Variants in MAPK6 observed in about 807,000 individuals in gnomAD.
MAPK6 encodes the protein mitogen-activated protein kinase 6.
A neutral mutation model predicts 59.3 loss-of-function variants in MAPK6; 19 were observed. That is an observed-to-expected ratio of 0.32 (90% confidence interval 0.22 to 0.47). The LOEUF (loss-of-function observed/expected upper bound fraction) is 0.47. Among genes scored for constraint, MAPK6 ranks in the 20% least tolerant of loss-of-function variants. The probability of loss-of-function intolerance (pLI) is 1.00; values close to 1 mark genes in which losing one functional copy is unlikely to be tolerated. For synonymous variants in MAPK6, 316 were observed against 290.3 expected (o/e 1.09, Z -0.90); for missense variants, 724 against 847.9 (o/e 0.85, Z 1.81).
intron 1 of MAPK6, among the ~76,000 whole-genome samples, chr15:51,982,335 C>G (rs17706309): frequency 0.012 from 1,865 of 152,264 alleles, 28 homozygotes; most frequent in Non-Finnish European, 0.022. Flanking sequence ...TTTCATCTCA[C>G]CCACAGAGGA....
intron 1 of MAPK6, among the ~76,000 whole-genome samples, chr15:52,044,640 A>AT (rs537632566): frequency 0.073 from 10,648 of 145,308 alleles, 459 homozygotes; most frequent in African/African-American, 0.12. Flanking sequence ...ACCAAGTTGC[A>AT]TTTTTTTTTT....
chr15:51,999,284 C>A (rs1421353591), intron 2 of MAPK6, among the ~76,000 whole-genome samples: 3 of 152,174 alleles, frequency 2.0e-5, no homozygotes, highest in Non-Finnish European at 4.4e-5. Flanking sequence ...TAGGTGTGAG[C>A]CACCGCGCCC....
chr15:52,008,703 G>T (rs745861399), intron 3 of MAPK6, among the ~76,000 whole-genome samples: 1 of 152,216 alleles, frequency 6.6e-6, no homozygotes, highest in African/African-American at 2.4e-5. Context: ...CCTTTTGCAC[G>T]CAGGGCCCTG....
At chr15:52,010,463 A>G (rs1238022678) in intron 3 of MAPK6, among the ~76,000 whole-genome samples, 9 of 142,666 alleles carry the variant, frequency 6.3e-5, no homozygotes, top group African/African-American at 2.4e-4. Context: ...GATCCACCCA[A>G]CTCGGCCTTC....
intron 1 of MAPK6, among the ~76,000 whole-genome samples, chr15:52,029,223 A>G (rs1333334209): frequency 6.6e-6 from 1 of 152,098 alleles, no homozygotes; most frequent in East Asian, 1.9e-4. Context: ...TTTTTAGTAG[A>G]GATGGGGTTT....
At chr15:52,036,776 CTTTCTTTCCTTCCTTCCTT>C (rs2031254468) in intron 1 of MAPK6, among the ~76,000 whole-genome samples, 1 of 151,844 alleles carries the variant, frequency 6.6e-6, no homozygotes, top group Non-Finnish European at 1.5e-5. Context: ...TTTTTTCTTC[CTTTCTTTCCTTCCTTCCTT>C]TTTCTTTCCT....
At chr15:51,987,449 A>G (rs2057194338) in intron 2 of MAPK6, among the ~76,000 whole-genome samples, 1 of 152,136 alleles carries the variant, frequency 6.6e-6, no homozygotes, top group Non-Finnish European at 1.5e-5. Context: ...TACTAAAAAT[A>G]CAAAAATTAA....
chr15:52,059,756 G>A (rs1378358764), intron 4 of MAPK6, among the ~76,000 whole-genome samples: 1 of 152,196 alleles, frequency 6.6e-6, no homozygotes, highest in African/African-American at 2.4e-5. Flanking sequence ...GATCCTTGGT[G>A]GTCACATGTG....
intron 3 of MAPK6, among the ~76,000 whole-genome samples, chr15:52,014,132 CTGA>C (rs2030167467): frequency 1.3e-5 from 2 of 152,086 alleles, no homozygotes; most frequent in South Asian, 4.2e-4. Context: ...CTCTCTCTCC[CTGA>C]TGTCCCCGGT....
intron 1 of MAPK6, among the ~76,000 whole-genome samples, chr15:52,039,089 T>C (rs1162261607): frequency 6.6e-6 from 1 of 152,234 alleles, no homozygotes; most frequent in Non-Finnish European, 1.5e-5. Context: ...CTTGGCTCAC[T>C]GCAACCTCCA....
At position 52,065,017 on chromosome 15, in the gene MAPK6, T is replaced by TTATC. The variant is rs1162307566; in HGVS notation, c.*19_*22dup. Reference sequence around the variant, plus strand: ...CTGAACTAAAACACTCAGCAGACATTTATCTTTGTATTCTTCATGAAATGT... The same window carrying TTATC: ...CTGAACTAAAACACTCAGCAGACATTTATCTATCTTTGTATTCTTCATGAAATGT... On this transcript the variant is annotated 3_prime_UTR_variant, in exon 6 of 6. Transcript: ENST00000261845. 3.8e-6 allele frequency: 6 copies of TTATC among 1,573,770 alleles called. No homozygotes were observed. In the African/African-American group the frequency reaches 4.1e-5, roughly 11 times the overall value.
At chr15:51,992,525 C>T (rs1168391369) in intron 2 of MAPK6, among the ~76,000 whole-genome samples, 4 of 151,582 alleles carry the variant, frequency 2.6e-5, no homozygotes, top group Non-Finnish European at 5.9e-5. Context: ...AGGATGGTCT[C>T]GATCTTCTGA....
At chr15:52,060,987 C>T (rs544350975) in intron 4 of MAPK6, among the ~76,000 whole-genome samples, 1 of 152,312 alleles carries the variant, frequency 6.6e-6, no homozygotes, top group South Asian at 2.1e-4. Flanking sequence ...ACTTGCAGAG[C>T]TAGGATTAAA....
chr15:51,989,155 C>G (rs1242229034), intron 2 of MAPK6, among the ~76,000 whole-genome samples: 1 of 150,190 alleles, frequency 6.7e-6, no homozygotes, highest in Non-Finnish European at 1.5e-5. Context: ...TCTTGGCTCA[C>G]TGTAACCTCT....
At chr15:52,000,693 C>A (rs1375618725) in intron 2 of MAPK6, among the ~76,000 whole-genome samples, 2 of 151,948 alleles carry the variant, frequency 1.3e-5, no homozygotes, top group African/African-American at 4.8e-5. Flanking sequence ...GTAGTCCCAG[C>A]CACTGGGGAG....
chr15:52,016,060 G>GCT (rs1318752815), upstream of MAPK6, among the ~76,000 whole-genome samples: 2 of 56,988 alleles, frequency 3.5e-5, no homozygotes, highest in African/African-American at 1.6e-4. Flanking sequence ...CATCGCGCGC[G>GCT]CGCGCGCGCG....
chr15:51,992,259 T>G (rs904015295), intron 2 of MAPK6, among the ~76,000 whole-genome samples: 2 of 143,806 alleles, frequency 1.4e-5, no homozygotes, highest in Non-Finnish European at 3.0e-5. Context: ...CACCCGGCTG[T>G]CCCTCATTTA....
intron 2 of MAPK6, among the ~76,000 whole-genome samples, chr15:52,000,038 A>G (rs1233547286): frequency 2.0e-5 from 3 of 152,138 alleles, no homozygotes; most frequent in Admixed American, 2.0e-4. Flanking sequence ...TCCCAGCTCA[A>G]GTGATCCTCC....
At chr15:52,055,610 G>C (rs942183875) in intron 3 of MAPK6, among the ~76,000 whole-genome samples, 3 of 152,144 alleles carry the variant, frequency 2.0e-5, no homozygotes, top group Non-Finnish European at 4.4e-5. Flanking sequence ...CCTCCTCCCG[G>C]GTTCAAGCGA....
Sources: gnomAD v4.1 joint callset for allele counts (sites outside exome capture counted in the v4.1 genomes callset) on GRCh38, gnomAD v4.1.1 for gene constraint, MANE v1.5 for transcripts, NCBI Gene and HGNC (gene_info 2026-07-23, HGNC 2026-07-21) for gene names.